Variants in YAE1 observed in about 807,000 individuals in gnomAD.
The protein encoded by YAE1 is protein YAE1 homolog.
YAE1 carries 22 observed loss-of-function variants against 23.0 expected under a neutral mutation model. That is an observed-to-expected ratio of 0.96 (90% CI 0.68 to 1.37). The LOEUF (loss-of-function observed/expected upper bound fraction) is 1.37, where lower values mean the gene tolerates loss of function less well. Ranked by LOEUF, YAE1 falls within the 40% of genes most tolerant of loss-of-function variation. The pLI, the probability that YAE1 is intolerant of heterozygous loss-of-function variation, is 0.00. For synonymous variants in YAE1, 101 were observed against 97.0 expected, an observed-to-expected ratio of 1.04 and a Z score of -0.24; for missense variants, 260 against 262.1, an observed-to-expected ratio of 0.99 and a Z score of 0.06.
In YAE1 at chr7:39,566,413, T is replaced by C. The variant is rs1456599431; in HGVS notation, c.-6T>C. Reference sequence around the variant, plus strand: ...GGTGGCCTGCGACCCCGTAATTGCCTCGGTGATGTCGTGGGTTCAAGCAGC... The same window carrying C: ...GGTGGCCTGCGACCCCGTAATTGCCCCGGTGATGTCGTGGGTTCAAGCAGC... On this transcript the variant is annotated 5_prime_UTR_variant, in exon 1 of 3. Coordinates refer to ENST00000223273, the MANE Select transcript of YAE1 (RefSeq NM_020192.5). 6.2e-7 allele frequency: 1 copy of C among 1,612,928 alleles called. No homozygotes were observed. Among genetic ancestry groups the C allele is most frequent in the Non-Finnish European group, 8.5e-7 (1 of 1,179,098 alleles).
At chr7:39,570,046 A>G in intron 1 of YAE1, 1 of 1,339,354 alleles carries the variant, frequency 7.5e-7, no homozygotes, top group Non-Finnish European at 1.1e-6. Flanking sequence ...ACGGGGCATA[A>G]AATTGTATCA....
At chr7:39,568,433 A>C (rs1363465537) in intron 1 of YAE1, among the ~76,000 whole-genome samples, 1 of 152,154 alleles carries the variant, frequency 6.6e-6, no homozygotes, top group Non-Finnish European at 1.5e-5. Flanking sequence ...AATTTTCAAA[A>C]TGTAAAATAC....
chr7:39,594,860 T>G (rs1353766108), intron 2 of YAE1, among the ~76,000 whole-genome samples: 1 of 152,226 alleles, frequency 6.6e-6, no homozygotes, highest in Non-Finnish European at 1.5e-5. Context: ...CCTCCCAAAG[T>G]GCTGGGATTA....
chr7:39,587,203 T>G (rs1790832657), intron 2 of YAE1, among the ~76,000 whole-genome samples: 1 of 151,862 alleles, frequency 6.6e-6, no homozygotes. Context: ...ATTACAGGCA[T>G]GCACCATCAC....
chr7:39,587,043 TTTTCTTTCTTTCTC>T (rs1422539825), intron 2 of YAE1, among the ~76,000 whole-genome samples: 2 of 149,628 alleles, frequency 1.3e-5, no homozygotes, highest in African/African-American at 4.9e-5. Flanking sequence ...TCTTTCTTTC[TTTTCTTTCTTTCTC>T]TTTCTTTCTT....
chr7:39,603,601 A>C (rs2115847525), intron 2 of YAE1, among the ~76,000 whole-genome samples: 1 of 152,354 alleles, frequency 6.6e-6, no homozygotes, highest in Non-Finnish European at 1.5e-5. Flanking sequence ...GAAGGTGACC[A>C]GTAAAAAATT....
chr7:39,598,010 A>G (rs1791001795), intron 2 of YAE1, among the ~76,000 whole-genome samples: 1 of 151,768 alleles, frequency 6.6e-6, no homozygotes, highest in Non-Finnish European at 1.5e-5. Context: ...GGGACTCACT[A>G]TGTTGCCCAG....
chr7:39,572,432 C>G lies in YAE1; in HGVS notation c.407C>G (p.Ser136Cys). ...PPSHVVDLLD[S>C]IEDMDLCHVV... ...TCCCATGTTGTAGATTTATTGGACT[C>G]CATTGAGGATATGGACCTTTGTCAT... The change falls in exon 3 of 3, where the codon TCC (serine) becomes TGC (cysteine). Residue 136 changes from serine to cysteine, a missense_variant. Ser to Cys is a moderately radical substitution (Grantham distance 112). Coordinates refer to ENST00000223273, the MANE Select transcript of YAE1 (RefSeq NM_020192.5). 1 of 1,614,068 alleles carries G rather than the reference C, an allele frequency of 6.2e-7. No homozygotes were observed. Among genetic ancestry groups the G allele is most frequent in the Non-Finnish European group, 8.5e-7 (1 of 1,179,988 alleles).
intron 2 of YAE1, among the ~76,000 whole-genome samples, chr7:39,580,871 G>GA (rs1211591989): frequency 6.6e-6 from 1 of 152,010 alleles, no homozygotes; most frequent in African/African-American, 2.4e-5. Context: ...CTGTTCAAAA[G>GA]AAAAAAGCAC....
At chr7:39,568,999 CTG>C (rs1213304223) in intron 1 of YAE1, among the ~76,000 whole-genome samples, 5 of 152,116 alleles carry the variant, frequency 3.3e-5, no homozygotes, top group African/African-American at 9.7e-5. Context: ...ACACATGAAA[CTG>C]AGAAAAATTA....
At chr7:39,570,119 C>T (rs940527470) in intron 1 of YAE1, 11 of 929,956 alleles carry the variant, frequency 1.2e-5, no homozygotes, top group Admixed American at 9.3e-5. Context: ...GTTGCTCTGC[C>T]GCCTGTGGGT....
Position 39,570,629 on chromosome 7 carries a change from T to C in YAE1, c.251+2T>C. The C allele has an allele frequency of 1.2e-5, 19 of 1,589,650 alleles. No homozygotes were observed. The highest frequency in any genetic ancestry group is 1.6e-5 in the Non-Finnish European group (19 of 1,174,580). On this transcript the variant is annotated splice_donor_variant, in intron 2 of 2. Transcript: ENST00000223273. LOFTEE classifies it high-confidence loss of function. ...TGGACGACTCCGAGGAACATTGAGG[T>C]AATTTTTAAAGTCTAAATGCTGAAT...
downstream of YAE1, among the ~76,000 whole-genome samples, chr7:39,611,658 C>T (rs968593381): frequency 6.6e-6 from 1 of 152,238 alleles, no homozygotes; most frequent in South Asian, 2.1e-4. Flanking sequence ...CTTGTTTCCA[C>T]AGCTGAGGCA....
At chr7:39,578,273 C>A (rs1171918033) in intron 2 of YAE1, among the ~76,000 whole-genome samples, 2 of 152,182 alleles carry the variant, frequency 1.3e-5, no homozygotes, top group Non-Finnish European at 2.9e-5. Flanking sequence ...AGCACTCTGT[C>A]AAAACGGACC....
At chr7:39,591,916 A>C (rs1790905877) in intron 2 of YAE1, among the ~76,000 whole-genome samples, 1 of 152,104 alleles carries the variant, frequency 6.6e-6, no homozygotes, top group Non-Finnish European at 1.5e-5. Flanking sequence ...AATGTCACAT[A>C]CTGTAGTTGG....
intron 2 of YAE1, among the ~76,000 whole-genome samples, chr7:39,588,367 C>G (rs1176648608): frequency 1.3e-5 from 2 of 152,116 alleles, no homozygotes; most frequent in African/African-American, 4.8e-5. Context: ...CAAAAATTAG[C>G]TGGGCTTGGT....
chr7:39,578,862 C>T (rs915083556), intron 2 of YAE1, among the ~76,000 whole-genome samples: 2 of 152,148 alleles, frequency 1.3e-5, no homozygotes, highest in East Asian at 3.9e-4. Context: ...ATAGCATTTA[C>T]CAGTCATTAC....
At chr7:39,603,774 A>T (rs1459248705) in intron 2 of YAE1, among the ~76,000 whole-genome samples, 1 of 152,144 alleles carries the variant, frequency 6.6e-6, no homozygotes. Context: ...GATTTTTTTT[A>T]AATAAATTGA....
At chr7:39,570,450 A>C in intron 1 of YAE1, 56 bp from the exon 2 acceptor site, 1 of 1,583,796 alleles carries the variant, frequency 6.3e-7, no homozygotes, top group Non-Finnish European at 8.5e-7. Flanking sequence ...CTTTTCTAGA[A>C]AAGCCTACAT....
Sources: gnomAD v4.1 joint callset for allele counts (sites outside exome capture counted in the v4.1 genomes callset) on GRCh38, gnomAD v4.1.1 for gene constraint, MANE v1.5 for transcripts, NCBI Gene and HGNC (gene_info 2026-07-23, HGNC 2026-07-21) for gene names.